The following PRDM16 variants were observed in gnomAD, a reference collection of about 807,000 sequenced individuals.
PRDM16 encodes the protein PR/SET domain 16.
In PRDM16, 23 loss-of-function variants were observed where a neutral mutation model predicts 110.6. The observed-to-expected ratio is 0.21, with a 90% confidence interval of 0.15 to 0.29. The LOEUF is 0.29. Among genes scored for constraint, PRDM16 ranks in the 10% least tolerant of loss-of-function variants. The pLI, the probability that PRDM16 is intolerant of heterozygous loss-of-function variation, is 1.00. For missense variants in PRDM16, 1,615 were observed against 1,794.3 expected (o/e 0.90, Z 1.81); for synonymous variants, 799 against 781.8 (o/e 1.02, Z -0.37).
chr1:3,126,769 CGCCAGTGATGGTCACAGCACCTCGAAAAG>C (rs974592836), intron 1 of PRDM16, among the ~76,000 whole-genome samples: 2 of 152,196 alleles, frequency 1.3e-5, no homozygotes, highest in Non-Finnish European at 2.9e-5. Flanking sequence ...AGGTGCCCAT[CGCCAGTGATGGTCACAGCACCTCGAAAAG>C]GCAGAGACAG....
At chr1:3,261,864 C>T (rs1343545867) in intron 3 of PRDM16, among the ~76,000 whole-genome samples, 3 of 152,210 alleles carry the variant, frequency 2.0e-5, no homozygotes, top group Non-Finnish European at 4.4e-5. Context: ...GTTGTCTGGC[C>T]TGCAGCCTGT....
At chr1:3,112,936 C>T (rs961563314) in intron 1 of PRDM16, among the ~76,000 whole-genome samples, 1 of 152,272 alleles carries the variant, frequency 6.6e-6, no homozygotes, top group African/African-American at 2.4e-5. Context: ...TCACTGAGGT[C>T]ACATGTGCAA....
At chr1:3,335,446 G>A (rs555650998) in intron 3 of PRDM16, among the ~76,000 whole-genome samples, 9 of 152,308 alleles carry the variant, frequency 5.9e-5, no homozygotes, top group South Asian at 2.1e-4. Flanking sequence ...GCCCGGTCGC[G>A]TTAGCACGTC....
At chr1:3,414,508 C>A in intron 9 of PRDM16, 52 bp from the exon 10 acceptor site, 1 of 1,442,762 alleles carries the variant, frequency 6.9e-7, no homozygotes, top group Non-Finnish European at 9.6e-7. Context: ...GCGGGTGGCT[C>A]GGCGGGGCGG....
intron 1 of PRDM16, among the ~76,000 whole-genome samples, chr1:3,085,156 G>A (rs1024413453): frequency 6.6e-6 from 1 of 152,200 alleles, no homozygotes; most frequent in African/African-American, 2.4e-5. Flanking sequence ...GAACGTTCGT[G>A]CAGGTGGAAT....
Position 3,402,784 on chromosome 1 carries a change from C to T in PRDM16, c.677-7C>T. On this transcript the variant is annotated splice_polypyrimidine_tract_variant and splice_region_variant and intron_variant, in intron 5 of 16. Transcript: ENST00000270722. ...CACTCACCACCACCTCGTTCTCTCT[C>T]TTGCAGAGGAGCCCACGTTCCGCTG... 6.2e-7 allele frequency: 1 copy of T among 1,608,926 alleles called. No individual in the cohort carries two copies. Among genetic ancestry groups the T allele is most frequent in the Non-Finnish European group, 8.5e-7 (1 of 1,176,614 alleles).
intron 1 of PRDM16, among the ~76,000 whole-genome samples, chr1:3,173,584 T>G (rs1644052981): frequency 6.6e-6 from 1 of 152,198 alleles, no homozygotes; most frequent in South Asian, 2.1e-4. Flanking sequence ...GGCAGTGGCT[T>G]CGTGGACCCC....
intron 3 of PRDM16, among the ~76,000 whole-genome samples, chr1:3,346,247 G>A (rs1642360864): frequency 6.6e-6 from 1 of 152,248 alleles, no homozygotes; most frequent in African/African-American, 2.4e-5. Context: ...CCCCACGGCG[G>A]TGAGCGACGT....
At chr1:3,094,246 C>A (rs1642341736) in intron 1 of PRDM16, among the ~76,000 whole-genome samples, 1 of 152,222 alleles carries the variant, frequency 6.6e-6, no homozygotes, top group African/African-American at 2.4e-5. Flanking sequence ...GGCGCACAGG[C>A]AGCAGGCACC....
At position 3,378,472 on chromosome 1, in the gene PRDM16, G is replaced by A. The variant is rs545727694; in HGVS notation, c.439-6680G>A. ...TCCCTCTGGTCCTTGAGTCGGCCCT[G>A]GAGAGCACACGGGGCAGCCATGGCA... is the stretch of plus-strand genomic sequence containing the variant. On this transcript the variant is annotated intron_variant, in intron 3 of 16. Coordinates refer to ENST00000270722, the MANE Select transcript of PRDM16 (RefSeq NM_022114.4). 5.3e-5 allele frequency among the ~76,000 whole-genome samples: 8 copies of A among 152,282 alleles called. No homozygotes were observed. The South Asian group carries it at 1.5e-3, about 28-fold the overall frequency.
intron 12 of PRDM16, among the ~76,000 whole-genome samples, chr1:3,422,937 C>T (rs9783077): frequency 0.047 from 7,178 of 152,286 alleles, 553 homozygotes; most frequent in African/African-American, 0.16. Context: ...AAGAAGCCCA[C>T]AGGCCAGGCC....
intron 4 of PRDM16, among the ~76,000 whole-genome samples, chr1:3,392,422 G>GA (rs1319523906): frequency 1.3e-5 from 2 of 152,174 alleles, no homozygotes; most frequent in East Asian, 3.8e-4. Context: ...TTTATTCCAG[G>GA]AAAGAGAAAA....
intron 3 of PRDM16, among the ~76,000 whole-genome samples, chr1:3,383,701 G>A (rs1452255556): frequency 2.0e-5 from 3 of 151,982 alleles, no homozygotes; most frequent in Non-Finnish European, 4.4e-5. Context: ...AGTGCATGCC[G>A]AGCATCTGAG....
chr1:3,294,607 G>A (rs950653499), intron 3 of PRDM16, among the ~76,000 whole-genome samples: 2 of 152,072 alleles, frequency 1.3e-5, no homozygotes, highest in African/African-American at 4.8e-5. Context: ...AGCAGCCCGC[G>A]TTAGAACAGG....
chr1:3,121,136 G>C (rs536312009), intron 1 of PRDM16, among the ~76,000 whole-genome samples: 62 of 152,314 alleles, frequency 4.1e-4, no homozygotes, highest in African/African-American at 1.5e-3. Context: ...TGAGGCCAGA[G>C]GACAGCTTGC....
Position 3,358,241 on chromosome 1 carries a change from A to G in PRDM16, c.439-26911A>G, listed in dbSNP as rs1008162378. 1.3e-5 allele frequency among the ~76,000 whole-genome samples: 2 copies of G among 152,206 alleles called. No homozygotes were observed. Among genetic ancestry groups the G allele is most frequent in the African/African-American group, 4.8e-5 (2 of 41,462 alleles). On this transcript the variant is annotated intron_variant, in intron 3 of 16. Transcript: ENST00000270722. The surrounding 1 kb of genome is among the most constrained non-coding windows in gnomAD (Gnocchi z 4.0). ...CTCCCTGTACACAGATAAAGTCACC[A>G]TGAGACTCCCGGTTCTGCCTCCTGG...
chr1:3,421,644 G>C (rs540549668), intron 12 of PRDM16, among the ~76,000 whole-genome samples: 1 of 152,340 alleles, frequency 6.6e-6, no homozygotes, highest in African/African-American at 2.4e-5. Flanking sequence ...TGAACGCACA[G>C]CCCTGTTCGT....
At chr1:3,154,247 G>A (rs368478451) in intron 1 of PRDM16, among the ~76,000 whole-genome samples, 1 of 152,182 alleles carries the variant, frequency 6.6e-6, no homozygotes, top group Non-Finnish European at 1.5e-5. Flanking sequence ...ACGGACTGGC[G>A]CTGTCACCAC....
intron 1 of PRDM16, among the ~76,000 whole-genome samples, chr1:3,076,117 G>A (rs377117598): frequency 1.3e-5 from 2 of 152,194 alleles, no homozygotes; most frequent in East Asian, 1.9e-4. Context: ...CCAGCCCCGC[G>A]CTCCTCTCAG....
Sources: allele counts gnomAD v4.1 joint callset (sites outside exome capture counted in the v4.1 genomes callset), GRCh38; gene constraint gnomAD v4.1.1; non-coding constraint Gnocchi (gnomAD v3.1); transcripts MANE v1.5; gene names NCBI Gene and HGNC (gene_info 2026-07-23, HGNC 2026-07-21).